CTNNA2: variants seen among roughly 807,000 people sequenced by gnomAD.
CTNNA2 encodes catenin alpha-2.
Under a neutral mutation model 101.0 loss-of-function variants are expected in CTNNA2, and 42 were observed. The ratio of observed to expected loss-of-function variants is 0.42; its 90% CI spans 0.32 to 0.54. The LOEUF is 0.54. Ranked by LOEUF, CTNNA2 falls within the 20% of genes least tolerant of loss-of-function variation. The pLI, the probability that CTNNA2 is intolerant of heterozygous loss-of-function variation, is 0.14. For synonymous variants in CTNNA2, 450 were observed against 456.4 expected (o/e 0.99, Z 0.18); for missense variants, 871 against 1,223.1 (o/e 0.71, Z 4.29).
At chr2:79,330,558 T>A (rs1055000247) in intron 3 of CTNNA2, among the ~76,000 whole-genome samples, 4 of 152,160 alleles carry the variant, frequency 2.6e-5, no homozygotes, top group Non-Finnish European at 5.9e-5. Context: ...TGATATAGTT[T>A]GGCTGTGTCC....
intron 2 of CTNNA2, among the ~76,000 whole-genome samples, chr2:79,671,797 G>A (rs1274617288): frequency 6.6e-6 from 1 of 152,178 alleles, no homozygotes; most frequent in Non-Finnish European, 1.5e-5. Context: ...ATCTTGTTCT[G>A]GATTACTGTT....
intron 4 of CTNNA2, among the ~76,000 whole-genome samples, chr2:79,494,835 G>GC (rs1412684678): frequency 2.0e-5 from 3 of 152,194 alleles, no homozygotes; most frequent in African/African-American, 7.2e-5. Flanking sequence ...TTTTGGCAGG[G>GC]CGTGGTGGCT....
At chr2:80,318,050 C>G (rs1168692766) in intron 7 of CTNNA2, among the ~76,000 whole-genome samples, 1 of 152,170 alleles carries the variant, frequency 6.6e-6, no homozygotes, top group East Asian at 1.9e-4. Context: ...CTCACCCCAT[C>G]TACCCCTACA....
At chr2:80,249,439 G>A (rs73938256) in intron 7 of CTNNA2, among the ~76,000 whole-genome samples, 2,909 of 152,218 alleles carry the variant, frequency 0.019, 106 homozygotes, top group African/African-American at 0.066. Context: ...AAAGACACTG[G>A]CATACTGTTT....
At chr2:80,133,440 A>G (rs1278250251) in intron 7 of CTNNA2, among the ~76,000 whole-genome samples, 1 of 152,210 alleles carries the variant, frequency 6.6e-6, no homozygotes, top group Non-Finnish European at 1.5e-5. Context: ...TAAATATTTT[A>G]TTTAACTCAT....
intron 3 of CTNNA2, among the ~76,000 whole-genome samples, chr2:79,331,211 C>T (rs77408407): frequency 0.11 from 17,271 of 152,088 alleles, 1,063 homozygotes; most frequent in East Asian, 0.22. Flanking sequence ...TACCCACACT[C>T]CCTGCCAGTC....
intron 1 of CTNNA2, among the ~76,000 whole-genome samples, chr2:79,570,953 C>T (rs1473097422): frequency 1.3e-5 from 2 of 152,142 alleles, no homozygotes; most frequent in Non-Finnish European, 2.9e-5. Context: ...AAGTGATGTG[C>T]CTGCTATTGA....
intron 8 of CTNNA2, among the ~76,000 whole-genome samples, chr2:80,418,590 G>A (rs1408429618): frequency 6.6e-6 from 1 of 152,146 alleles, no homozygotes; most frequent in African/African-American, 2.4e-5. Context: ...GACCAATAAC[G>A]AACGTGTGGG....
At position 80,114,893 on chromosome 2, in the gene CTNNA2, C is replaced by T. The variant is rs180846961; in HGVS notation, c.1056+205096C>T. On this transcript the variant is annotated intron_variant, in intron 7 of 18. Coordinates refer to ENST00000402739, the MANE Select transcript of CTNNA2 (RefSeq NM_001282597.3). ...ATATCTTCATCTTACTCCAAGAAAC[C>T]TTGAAGAGGAAATGTGTATCTGAGC... is the stretch of plus-strand genomic sequence containing the variant. Among the ~76,000 whole-genome samples, 6 of 152,214 alleles carry T rather than the reference C, an allele frequency of 3.9e-5. No homozygotes were observed. The East Asian group carries it at 9.7e-4, about 25-fold the overall frequency.
At chr2:79,922,353 G>A (rs1428566026) in intron 7 of CTNNA2, among the ~76,000 whole-genome samples, 2 of 152,190 alleles carry the variant, frequency 1.3e-5, no homozygotes, top group East Asian at 3.9e-4. Flanking sequence ...GCACACTTGG[G>A]TGTTAGGAGG....
rs971266537 is a variant in CTNNA2 at position 79,625,675 on chromosome 2, G to A, written c.-5-25877G>A. On this transcript the variant is annotated intron_variant, in intron 1 of 18. Transcript: ENST00000402739. ...GCCTGGAGAAGCAGCAAAAAGACCA[G>A]GAACTAGACAGACTCCAGGCTCTTG... Among the ~76,000 whole-genome samples, 4 of 152,222 alleles carry A rather than the reference G, an allele frequency of 2.6e-5. No homozygotes were observed. The South Asian group carries it at 8.3e-4, about 32-fold the overall frequency.
At chr2:79,964,188 G>T (rs1689855946) in intron 7 of CTNNA2, among the ~76,000 whole-genome samples, 2 of 152,098 alleles carry the variant, frequency 1.3e-5, no homozygotes, top group South Asian at 4.1e-4. Flanking sequence ...AAACTAGGTT[G>T]ATCTTATTGA....
intron 3 of CTNNA2, among the ~76,000 whole-genome samples, chr2:79,346,671 CT>C (rs1199053724): frequency 6.6e-6 from 1 of 152,168 alleles, no homozygotes; most frequent in Admixed American, 6.5e-5. Context: ...AGATTTCAAA[CT>C]TTTTTTCCAA....
chr2:80,090,477 T>C lies in CTNNA2; in HGVS notation c.1056+180680T>C, dbSNP rs150456417. Among the ~76,000 whole-genome samples the C allele has an allele frequency of 4.9e-3, 744 of 152,126 alleles. 7 individuals carry two copies. The highest frequency in any genetic ancestry group is 0.017 in the African/African-American group (705 of 41,518). On this transcript the variant is annotated intron_variant, in intron 7 of 18. Transcript: ENST00000402739. ...TCCCTTTGGGTGCCTCTGGTAAGAATTTGAAAGTTAGCTGTTGTTCATTTC... is the reference window on the plus strand; with the variant it reads ...TCCCTTTGGGTGCCTCTGGTAAGAACTTGAAAGTTAGCTGTTGTTCATTTC...
chr2:80,573,373 TTATA>T (rs1412683862), intron 12 of CTNNA2: 3 of 152,166 alleles, frequency 2.0e-5, no homozygotes, highest in Admixed American at 2.0e-4. Context: ...TTTTAGAAAT[TTATA>T]TACGTATGCT....
rs1254039995 is a variant in CTNNA2 at position 80,502,680 on chromosome 2, G to T, written c.1291-42302G>T. Among the ~76,000 whole-genome samples the T allele has an allele frequency of 5.3e-5, 8 of 152,252 alleles. No homozygotes were observed. In the East Asian group the frequency reaches 1.5e-3, roughly 29 times the overall value. The stretch of plus-strand genomic sequence containing the variant: ...GTCAGGCAGCTCATCATTTGGTCAG[G>T]ATCCAGGCTACCCTCTGCATCTCTC... On this transcript the variant is annotated intron_variant, in intron 9 of 18. Transcript: ENST00000402739.
At chr2:79,937,376 C>T (rs985660606) in intron 7 of CTNNA2, among the ~76,000 whole-genome samples, 2 of 152,150 alleles carry the variant, frequency 1.3e-5, no homozygotes, top group East Asian at 3.9e-4. Context: ...AAGATGGGGC[C>T]AGTCTACGTG....
intron 7 of CTNNA2, among the ~76,000 whole-genome samples, chr2:79,970,588 C>G (rs1294487867): frequency 6.6e-6 from 1 of 152,116 alleles, no homozygotes; most frequent in East Asian, 1.9e-4. Flanking sequence ...CAAGCTGATT[C>G]CTGGATTCAC....
chr2:80,204,405 C>T (rs923673860), intron 7 of CTNNA2, among the ~76,000 whole-genome samples: 1 of 152,186 alleles, frequency 6.6e-6, no homozygotes, highest in Non-Finnish European at 1.5e-5. Context: ...GAAATTTCTT[C>T]TGCCAGATAC....
Sources: gnomAD v4.1 joint callset for allele counts (sites outside exome capture counted in the v4.1 genomes callset) on GRCh38, gnomAD v4.1.1 for gene constraint, MANE v1.5 for transcripts, NCBI Gene and HGNC (gene_info 2026-07-23, HGNC 2026-07-21) for gene names.